SYT14: variants seen among roughly 807,000 people sequenced by gnomAD.
SYT14 encodes synaptotagmin-14.
SYT14 carries 32 observed loss-of-function variants against 74.2 expected under a neutral mutation model. The ratio of observed to expected loss-of-function variants is 0.43; its 90% CI spans 0.33 to 0.58. SYT14 has a LOEUF of 0.58. Among genes scored for constraint, SYT14 ranks in the 20% least tolerant of loss-of-function variants. SYT14 has a pLI of 0.05. For synonymous variants in SYT14, 298 were observed against 337.7 expected (o/e 0.88, Z 1.29); for missense variants, 791 against 981.8 (o/e 0.81, Z 2.60).
chr1:210,077,498 C>G (rs1186992978), intron 5 of SYT14, among the ~76,000 whole-genome samples: 1 of 152,148 alleles, frequency 6.6e-6, no homozygotes, highest in Non-Finnish European at 1.5e-5. Flanking sequence ...ACTTGATGGT[C>G]ACTTGGGTTC....
intron 6 of SYT14, among the ~76,000 whole-genome samples, chr1:210,099,747 C>T (rs920490064): frequency 1.3e-5 from 2 of 152,176 alleles, no homozygotes; most frequent in Admixed American, 6.5e-5. Flanking sequence ...TAAAAACATA[C>T]ATCACACTTT....
At chr1:209,988,352 C>T (rs1027557950) in intron 2 of SYT14, among the ~76,000 whole-genome samples, 1 of 152,172 alleles carries the variant, frequency 6.6e-6, no homozygotes, top group Non-Finnish European at 1.5e-5. Flanking sequence ...GTTCTTCAAA[C>T]CCATGGAATA....
At chr1:209,962,720 G>C (rs1029096373) in intron 2 of SYT14, among the ~76,000 whole-genome samples, 5 of 152,114 alleles carry the variant, frequency 3.3e-5, no homozygotes, top group African/African-American at 1.2e-4. Flanking sequence ...GGGGAATGAA[G>C]TTCAAGAGAT....
intron 2 of SYT14, among the ~76,000 whole-genome samples, chr1:209,988,943 A>C (rs1024422070): frequency 6.6e-6 from 1 of 152,204 alleles, no homozygotes; most frequent in African/African-American, 2.4e-5. Context: ...ACTTGAGCAC[A>C]CTTGGCTTCT....
intron 5 of SYT14, among the ~76,000 whole-genome samples, chr1:210,063,402 T>C (rs1438827719): frequency 6.6e-6 from 1 of 151,884 alleles, no homozygotes; most frequent in East Asian, 1.9e-4. Flanking sequence ...TTCTGAACTT[T>C]ATTGTGTTCC....
At chr1:210,132,570 TG>T (rs1558211505) in intron 7 of SYT14, among the ~76,000 whole-genome samples, 35 of 139,530 alleles carry the variant, frequency 2.5e-4, no homozygotes, top group South Asian at 2.2e-4. Flanking sequence ...TTATATATTG[TG>T]TGTGTGTGTG....
chr1:210,144,730 TAAA>T (rs1409673284), intron 7 of SYT14, among the ~76,000 whole-genome samples: 1 of 152,078 alleles, frequency 6.6e-6, no homozygotes, highest in Admixed American at 6.5e-5. Flanking sequence ...TTTCTAATAA[TAAA>T]AACATTTATA....
At chr1:210,169,202 T>G (rs2083491146) in exon 10 of SYT14, 1 of 150,708 alleles carries the variant, frequency 6.6e-6, no homozygotes, top group African/African-American at 2.4e-5. Context: ...GGGGCTTTTT[T>G]GGTTTTTATG....
intron 2 of SYT14, among the ~76,000 whole-genome samples, chr1:209,977,792 G>A (rs1291064919): frequency 1.3e-5 from 2 of 152,188 alleles, no homozygotes; most frequent in Admixed American, 6.5e-5. Flanking sequence ...ATAATATCCT[G>A]CAGAGTGTTT....
intron 4 of SYT14, among the ~76,000 whole-genome samples, chr1:210,017,720 T>G (rs2080215481): frequency 6.6e-6 from 1 of 152,192 alleles, no homozygotes; most frequent in African/African-American, 2.4e-5. Flanking sequence ...CATTTATAGT[T>G]TTCAATCACA....
At chr1:210,142,292 C>T (rs1268350140) in intron 7 of SYT14, among the ~76,000 whole-genome samples, 1 of 152,156 alleles carries the variant, frequency 6.6e-6, no homozygotes, top group Non-Finnish European at 1.5e-5. Context: ...TTTAAAATGC[C>T]ACAAACCTTG....
chr1:210,122,640 A>C (rs1234183821), intron 7 of SYT14, among the ~76,000 whole-genome samples: 1 of 151,936 alleles, frequency 6.6e-6, no homozygotes, highest in Non-Finnish European at 1.5e-5. Context: ...AAAAATGTAA[A>C]ACCTTTCTTA....
In SYT14 at chr1:209,977,298, G is replaced by A. The variant is rs548166927; in HGVS notation, c.-486+24542G>A. Among the ~76,000 whole-genome samples the A allele has an allele frequency of 3.3e-5, 5 of 152,274 alleles. No individual in the cohort carries two copies. The East Asian group carries it at 7.7e-4, about 23-fold the overall frequency. The stretch of plus-strand genomic sequence containing the variant: ...CGTTAGTTGATGCAGTTTCTTCCTA[G>A]CTTTGATGTCTTTACAATTTGGCAT... On this transcript the variant is annotated intron_variant, in intron 2 of 9. Coordinates refer to ENST00000637265, the Ensembl canonical transcript of SYT14.
chr1:210,163,328 T>A (rs1440314706), exon 10 of SYT14: 1 of 453,652 alleles, frequency 2.2e-6, no homozygotes, highest in Non-Finnish European at 4.4e-6. Flanking sequence ...TTATCTGGCA[T>A]AAGTATCAAA....
chr1:210,135,300 T>C lies in SYT14; in HGVS notation c.2035-20421T>C, dbSNP rs78538549. 2.9e-3 allele frequency among the ~76,000 whole-genome samples: 436 copies of C among 152,258 alleles called. 3 individuals carry two copies. Among genetic ancestry groups the C allele is most frequent in the African/African-American group, 9.9e-3 (410 of 41,574 alleles). On this transcript the variant is annotated intron_variant, in intron 7 of 9. Coordinates refer to ENST00000637265, the Ensembl canonical transcript of SYT14. ...CCTGGCTTCCCTGTCTTTTTTTTCC[T>C]CTGTGGTTTGATTTTAGACCTTCTA...
chr1:210,034,547 AG>A (rs924054636), intron 5 of SYT14, among the ~76,000 whole-genome samples: 1 of 151,498 alleles, frequency 6.6e-6, no homozygotes, highest in African/African-American at 2.4e-5. Flanking sequence ...ACCCAAATAG[AG>A]TACATTGTAC....
At chr1:210,021,148 A>G (rs1279412557) in exon 5 of SYT14, 6 of 1,614,058 alleles carry the variant, frequency 3.7e-6, no homozygotes, top group East Asian at 2.2e-5. Flanking sequence ...CCAGACTACC[A>G]CTGGCAGATT....
intron 5 of SYT14, among the ~76,000 whole-genome samples, chr1:210,073,858 T>C (rs1347231989): frequency 6.6e-6 from 1 of 152,158 alleles, no homozygotes; most frequent in Non-Finnish European, 1.5e-5. Context: ...ATCTTTGGTA[T>C]GTGTTATAGT....
At chr1:210,056,780 C>T (rs768992601) in intron 5 of SYT14, among the ~76,000 whole-genome samples, 10 of 151,378 alleles carry the variant, frequency 6.6e-5, no homozygotes, top group East Asian at 3.9e-4. Flanking sequence ...AGCGAAACTC[C>T]GTATCAAACA....
Sources: allele counts gnomAD v4.1 joint callset (sites outside exome capture counted in the v4.1 genomes callset), GRCh38; gene constraint gnomAD v4.1.1; transcripts MANE v1.5; gene names NCBI Gene and HGNC (gene_info 2026-07-23, HGNC 2026-07-21).